ABLIM2: variants seen among roughly 807,000 people sequenced by gnomAD.
The protein encoded by ABLIM2 is actin binding LIM protein family member 2.
Under a neutral mutation model 97.7 loss-of-function variants are expected in ABLIM2, and 53 were observed. The ratio of observed to expected loss-of-function variants is 0.54; its 90% CI spans 0.44 to 0.68. The LOEUF is 0.68. Ranked by LOEUF, ABLIM2 falls within the 30% of genes least tolerant of loss-of-function variation. The probability of loss-of-function intolerance (pLI) is 0.00; values close to 1 mark genes in which losing one functional copy is unlikely to be tolerated. For missense variants in ABLIM2, 835 were observed against 867.2 expected (o/e 0.96, Z 0.47); for synonymous variants, 361 against 345.8 (o/e 1.04, Z -0.49).
At chr4:8,041,805 G>A (rs770482834) in intron 9 of ABLIM2, among the ~76,000 whole-genome samples, 50 of 152,002 alleles carry the variant, frequency 3.3e-4, no homozygotes, top group Middle Eastern at 3.2e-3. Flanking sequence ...TCGGGAGGCC[G>A]AGGCAGGAGA....
chr4:8,032,230 A>G lies in ABLIM2; in HGVS notation c.1048-2454T>C, dbSNP rs920269834. ...AAAAAAAAAAAACTAGACCACTAAC[A>G]GTAAAAGCTCTTTTGTAGAGAGACA... On this transcript the variant is annotated intron_variant, in intron 10 of 20. Coordinates refer to ENST00000447017, the MANE Select transcript of ABLIM2 (RefSeq NM_001130083.2). This position sits in a 1 kb window ranked among gnomAD's most constrained non-coding sequence, Gnocchi z 4.3. Among the ~76,000 whole-genome samples, 2 of 151,428 alleles carry G rather than the reference A, an allele frequency of 1.3e-5. No homozygotes were observed. Among genetic ancestry groups the G allele is most frequent in the Non-Finnish European group, 2.9e-5 (2 of 67,936 alleles).
In ABLIM2 at chr4:8,044,219, T is replaced by C. The variant is rs1326030142; in HGVS notation, c.900+945A>G. Among the ~76,000 whole-genome samples, 2 of 152,156 alleles carry C rather than the reference T, an allele frequency of 1.3e-5. No individual in the cohort carries two copies. The highest frequency in any genetic ancestry group is 3.9e-4 in the East Asian group (2 of 5,184). ...GCTGAGGCATGAAGAACCCAGGTCC[T>C]GGCCTGGCGGGGACGGGGAGGGGAG... On this transcript the variant is annotated intron_variant, in intron 9 of 20. Transcript: ENST00000447017. The surrounding 1 kb of genome is among the most constrained non-coding windows in gnomAD (Gnocchi z 4.4).
chr4:7,974,158 GCTAT>G (rs1395473731), intron 20 of ABLIM2, among the ~76,000 whole-genome samples: 2 of 152,080 alleles, frequency 1.3e-5, no homozygotes, highest in Admixed American at 6.6e-5. Flanking sequence ...TATGGCTGTG[GCTAT>G]CTGTCTGTCT....
At chr4:8,096,536 CT>C (rs1831661795) in intron 3 of ABLIM2, among the ~76,000 whole-genome samples, 1 of 152,262 alleles carries the variant, frequency 6.6e-6, no homozygotes, top group South Asian at 2.1e-4. Context: ...GGTTCCATTT[CT>C]GTCTCCGGCA....
chr4:8,044,663 C>T lies in ABLIM2; in HGVS notation c.900+501G>A, dbSNP rs1791013051. Among the ~76,000 whole-genome samples, 1 of 140,474 alleles carries T rather than the reference C, an allele frequency of 7.1e-6. No individual in the cohort carries two copies. Among genetic ancestry groups the T allele is most frequent in the Non-Finnish European group, 1.6e-5 (1 of 62,812 alleles). 92.2% of individuals were successfully genotyped at this position (140,474 alleles called of 152,430 possible). On this transcript the variant is annotated intron_variant, in intron 9 of 20. Transcript: ENST00000447017. The surrounding 1 kb of genome is among the most constrained non-coding windows in gnomAD (Gnocchi z 4.4). ...ACAGACACACACACACACACACACA[C>T]ACAGAGTCTCTCTCTCTCTCTCTCT...
In ABLIM2 at chr4:7,966,242, C is replaced by A. The variant is rs183154276; in HGVS notation, c.*748G>T. 7.2e-5 allele frequency: 11 copies of A among 152,590 alleles called. No homozygotes were observed. The highest frequency in any genetic ancestry group is 6.5e-4 in the Admixed American group (10 of 15,276). 9.5% of individuals were successfully genotyped at this position (152,590 alleles called of 1,614,324 possible). On this transcript the variant is annotated 3_prime_UTR_variant, in exon 21 of 21. Coordinates refer to ENST00000447017, the MANE Select transcript of ABLIM2 (RefSeq NM_001130083.2). ...AATAAGGCTGGAGGCCGCTCCCCTG[C>A]GGAGGGACCGTAAAATTAAACTCTA...
At chr4:8,000,985 C>CT (rs1490056882) in intron 16 of ABLIM2, among the ~76,000 whole-genome samples, 1 of 152,226 alleles carries the variant, frequency 6.6e-6, no homozygotes, top group African/African-American at 2.4e-5. Flanking sequence ...TCCGGGTCTG[C>CT]TTTGTGGGCA....
intron 14 of ABLIM2, among the ~76,000 whole-genome samples, chr4:8,012,931 C>A (rs1286608850): frequency 1.3e-5 from 2 of 152,224 alleles, no homozygotes; most frequent in Non-Finnish European, 2.9e-5. Context: ...CTTAGCCCCT[C>A]AACCTTTATC....
intron 20 of ABLIM2, among the ~76,000 whole-genome samples, chr4:7,975,533 T>C (rs537128138): frequency 6.6e-6 from 1 of 152,298 alleles, no homozygotes; most frequent in East Asian, 1.9e-4. Context: ...CCATGCCCCA[T>C]CAGTGAGTGT....
chr4:8,085,925 C>T lies in ABLIM2; in HGVS notation c.454+2244G>A, dbSNP rs1195314169. ...AAAGGCCTTGGCCCACCCCTCGGCA[C>T]TTCCGCCCCCTGATGGACAGAGCAC... On this transcript the variant is annotated intron_variant, in intron 4 of 20. Coordinates refer to ENST00000447017, the MANE Select transcript of ABLIM2 (RefSeq NM_001130083.2). This position sits in a 1 kb window ranked among gnomAD's most constrained non-coding sequence, Gnocchi z 6.1. Among the ~76,000 whole-genome samples, 3 of 83,792 alleles carry T rather than the reference C, an allele frequency of 3.6e-5. No individual in the cohort carries two copies. The highest frequency in any genetic ancestry group is 2.3e-5 in the Non-Finnish European group (1 of 42,844). The allele number at this position is 83,792 out of a possible 152,430, so 55.0% of individuals were successfully genotyped here.
chr4:7,980,941 A>ATTTTTTTTTT (rs1167615555), intron 20 of ABLIM2, among the ~76,000 whole-genome samples: 8 of 82,980 alleles, frequency 9.6e-5, no homozygotes, highest in South Asian at 4.0e-4. Context: ...ACAACCCCTT[A>ATTTTTTTTTT]TTTTTTTTTT....
chr4:7,994,080 C>CTTTTTTTTTT (rs764214617), intron 16 of ABLIM2: 2 of 57,754 alleles, frequency 3.5e-5, no homozygotes, highest in Admixed American at 2.3e-4. Context: ...GGGAAGCATT[C>CTTTTTTTTTT]TTTTTTTTTT....
chr4:8,141,631 T>G (rs1450824974), intron 1 of ABLIM2, among the ~76,000 whole-genome samples: 1 of 152,196 alleles, frequency 6.6e-6, no homozygotes, highest in Non-Finnish European at 1.5e-5. Context: ...ATCCTCCTGC[T>G]TTGGTCTCCC....
rs1169690117 is a variant in ABLIM2 at position 8,069,603 on chromosome 4, G to C, written c.675+8025C>G. ...TCTCTGTGTTTTGCCTGGTGTCTGT[G>C]TGGATGTCTTTCCGTGTGTCTGTGT... On this transcript the variant is annotated intron_variant, in intron 6 of 20. Coordinates refer to ENST00000447017, the MANE Select transcript of ABLIM2 (RefSeq NM_001130083.2). This position sits in a 1 kb window ranked among gnomAD's most constrained non-coding sequence, Gnocchi z 4.2. Among the ~76,000 whole-genome samples the C allele has an allele frequency of 6.6e-6, 1 of 152,158 alleles. No homozygotes were observed. The highest frequency in any genetic ancestry group is 1.5e-5 in the Non-Finnish European group (1 of 68,018).
intron 20 of ABLIM2, among the ~76,000 whole-genome samples, chr4:7,969,986 G>A (rs182579340): frequency 6.6e-6 from 1 of 152,280 alleles, no homozygotes; most frequent in Admixed American, 6.5e-5. Context: ...CACTCAATGT[G>A]TCATTTAAGA....
chr4:8,027,769 G>A lies in ABLIM2; in HGVS notation c.1257C>T (p.Pro419=). 1 of 1,589,132 alleles carries A rather than the reference G, an allele frequency of 6.3e-7. No homozygotes were observed. Among genetic ancestry groups the A allele is most frequent in the Non-Finnish European group, 8.6e-7 (1 of 1,168,292 alleles). Residue 419 remains proline (P), a synonymous_variant, in exon 12 of 21, where the codon CCC becomes CCT. Transcript: ENST00000447017. ...PTSVFRHHYI[P]YFRGSESGRS... is the part of the protein sequence containing the mutation. The stretch of plus-strand genomic sequence containing the variant: ...CACTGCGTGCCTTACCTCGGAAGTA[G>A]GGGATGTAATGATGTCTGAACACGG...
chr4:8,096,404 C>T (rs1831567891), intron 3 of ABLIM2, among the ~76,000 whole-genome samples: 2 of 152,202 alleles, frequency 1.3e-5, no homozygotes, highest in African/African-American at 4.8e-5. Context: ...AAAAATCAAA[C>T]ACTCGGATAA....
In ABLIM2 at chr4:7,986,041, C is replaced by T. The variant is rs1177057238; in HGVS notation, c.1681-1148G>A. On this transcript the variant is annotated intron_variant, in intron 17 of 20. Coordinates refer to ENST00000447017, the MANE Select transcript of ABLIM2 (RefSeq NM_001130083.2). This position sits in a 1 kb window ranked among gnomAD's most constrained non-coding sequence, Gnocchi z 4.3. ...TTGTGCCTTGGCTGCCCGCGGTGGA[C>T]GGAGCCTGTTGAAGAAAATGTCTTA... Among the ~76,000 whole-genome samples the T allele has an allele frequency of 1.3e-5, 2 of 152,178 alleles. No homozygotes were observed. The highest frequency in any genetic ancestry group is 4.8e-5 in the African/African-American group (2 of 41,442).
intron 8 of ABLIM2, among the ~76,000 whole-genome samples, chr4:8,047,160 G>C (rs981974262): frequency 1.3e-5 from 2 of 152,214 alleles, no homozygotes; most frequent in East Asian, 1.9e-4. Flanking sequence ...ACCCTGTGCG[G>C]CATGTGGGTG....
Sources: gnomAD v4.1 joint callset for allele counts (sites outside exome capture counted in the v4.1 genomes callset) on GRCh38, gnomAD v4.1.1 for gene constraint, Gnocchi (gnomAD v3.1) non-coding constraint, MANE v1.5 for transcripts, NCBI Gene and HGNC (gene_info 2026-07-23, HGNC 2026-07-21) for gene names.